Variants in CRYBG3 observed in about 807,000 individuals in gnomAD.
CRYBG3 encodes crystallin beta-gamma domain containing 3.
CRYBG3 carries 127 observed loss-of-function variants against 244.2 expected under a neutral mutation model. The observed-to-expected ratio is 0.52, with a 90% CI of 0.45 to 0.60. CRYBG3 has a LOEUF of 0.60. Among genes scored for constraint, CRYBG3 ranks in the 20% least tolerant of loss-of-function variants. CRYBG3 has a pLI of 0.00. For missense variants in CRYBG3, 3,325 were observed against 3,442.5 expected (o/e 0.97, Z 0.85); for synonymous variants, 1,132 against 1,195.8 (o/e 0.95, Z 1.10).
chr3:97,856,104 G>T (rs1433591087), intron 2 of CRYBG3, among the ~76,000 whole-genome samples: 1 of 152,018 alleles, frequency 6.6e-6, no homozygotes, highest in Admixed American at 6.6e-5. Flanking sequence ...ACCTAAGGGG[G>T]CCATTTATAG....
chr3:97,904,782 C>T (rs1454277548), intron 15 of CRYBG3, among the ~76,000 whole-genome samples: 1 of 147,312 alleles, frequency 6.8e-6, no homozygotes, highest in Non-Finnish European at 1.5e-5. Context: ...TACATGTGCA[C>T]CTTGTGCAGG....
chr3:97,943,074 C>A, intron 21 of CRYBG3, 152 bp from the exon 22 acceptor site: 1 of 596,804 alleles, frequency 1.7e-6, no homozygotes. Flanking sequence ...AATGGCTAAG[C>A]CTGTTCAAAC....
intron 15 of CRYBG3, among the ~76,000 whole-genome samples, chr3:97,910,518 CT>C (rs1353176663): frequency 2.0e-5 from 3 of 152,230 alleles, no homozygotes; most frequent in African/African-American, 7.2e-5. Flanking sequence ...TTTCCAGGTG[CT>C]GTCCGTCACC....
At chr3:97,919,727 A>AG (rs1428099871) in intron 17 of CRYBG3, among the ~76,000 whole-genome samples, 1 of 151,810 alleles carries the variant, frequency 6.6e-6, no homozygotes, top group Non-Finnish European at 1.5e-5. Flanking sequence ...AAAAAAAAAA[A>AG]AAAAGGCTTA....
intron 17 of CRYBG3, among the ~76,000 whole-genome samples, chr3:97,923,600 G>T (rs1458806550): frequency 2.0e-5 from 3 of 151,724 alleles, no homozygotes; most frequent in East Asian, 3.9e-4. Context: ...AATAAAATAA[G>T]ATTAAAACAA....
At chr3:97,887,981 C>T (rs1333163925) in intron 8 of CRYBG3, among the ~76,000 whole-genome samples, 2 of 152,070 alleles carry the variant, frequency 1.3e-5, no homozygotes, top group South Asian at 2.1e-4. Context: ...TCTGATTGTT[C>T]CAGTTTAAAA....
chr3:97,878,044 T>A lies in CRYBG3; in HGVS notation c.6843+7T>A, dbSNP rs1446321447. On this transcript the variant is annotated splice_region_variant and intron_variant, in intron 4 of 21. Transcript: ENST00000389622. The stretch of plus-strand genomic sequence containing the variant: ...ATTGAGCCCATTTATAGAGGTAAGT[T>A]ATTTTGTTTATTGTATTAATAATAG... 3 of 1,583,600 alleles carry A rather than the reference T, an allele frequency of 1.9e-6. No homozygotes were observed. In the South Asian group the frequency reaches 3.5e-5, roughly 19 times the overall value.
intron 1 of CRYBG3, among the ~76,000 whole-genome samples, chr3:97,834,640 A>G (rs2038705476): frequency 6.6e-6 from 1 of 152,152 alleles, no homozygotes; most frequent in Non-Finnish European, 1.5e-5. Flanking sequence ...GAAGGATGGC[A>G]TTGTGCTTTT....
chr3:97,891,002 A>G (rs570945710), intron 10 of CRYBG3, among the ~76,000 whole-genome samples: 1 of 152,276 alleles, frequency 6.6e-6, no homozygotes, highest in South Asian at 2.1e-4. Context: ...TTTAGAAATA[A>G]TATTTTTCAG....
At chr3:97,857,130 T>A (rs1290454319) in intron 2 of CRYBG3, among the ~76,000 whole-genome samples, 1 of 152,118 alleles carries the variant, frequency 6.6e-6, no homozygotes, top group Non-Finnish European at 1.5e-5. Flanking sequence ...TCTTTTTTCA[T>A]CGGTCATTCA....
In CRYBG3 at chr3:97,874,222, C is replaced by G. The variant is rs1576536983; in HGVS notation, c.3028C>G (p.Leu1010Val). 20 of 1,535,048 alleles carry G rather than the reference C, an allele frequency of 1.3e-5. No individual in the cohort carries two copies. Among genetic ancestry groups the G allele is most frequent in the African/African-American group, 1.2e-4 (9 of 73,088 alleles). Residue 1010 changes from leucine (L) to valine (V), a missense_variant, in exon 4 of 22, where the codon CTG becomes GTG. Transcript: ENST00000389622. ...TGSMKVNSPF[L>V]DSDSSLEKNS... is the part of the protein sequence containing the mutation. ...CAGCATGAAAGTAAATTCACCTTTT[C>G]TGGATTCTGATTCCAGTTTGGAAAA...
chr3:97,908,005 C>T lies in CRYBG3; in HGVS notation c.8005-4162C>T, dbSNP rs562212251. Among the ~76,000 whole-genome samples, 246 of 152,196 alleles carry T rather than the reference C, an allele frequency of 1.6e-3. 3 individuals are homozygous for T. The highest frequency in any genetic ancestry group is 0.015 in the Admixed American group (234 of 15,282). On this transcript the variant is annotated intron_variant, in intron 15 of 21. Coordinates refer to ENST00000389622, the MANE Select transcript of CRYBG3 (RefSeq NM_153605.4). Reference sequence around the variant, plus strand: ...ATTTCTGCCTTCATTTTGTTATGTACCCAGTAGTCATTCAGGAGCAGGTTG... The same window carrying T: ...ATTTCTGCCTTCATTTTGTTATGTATCCAGTAGTCATTCAGGAGCAGGTTG...
intron 2 of CRYBG3, among the ~76,000 whole-genome samples, chr3:97,852,550 G>A (rs964000142): frequency 6.6e-6 from 1 of 152,138 alleles, no homozygotes; most frequent in African/African-American, 2.4e-5. Flanking sequence ...TTAGTAATGA[G>A]GACAGAGGAG....
chr3:97,883,329 A>T (rs927681383), intron 7 of CRYBG3, among the ~76,000 whole-genome samples: 2 of 152,134 alleles, frequency 1.3e-5, no homozygotes, highest in Non-Finnish European at 2.9e-5. Flanking sequence ...CTCAACTAGA[A>T]ATTCCTTGAA....
intron 2 of CRYBG3, among the ~76,000 whole-genome samples, chr3:97,853,414 C>T (rs2039017925): frequency 6.6e-6 from 1 of 150,510 alleles, no homozygotes; most frequent in Non-Finnish European, 1.5e-5. Flanking sequence ...AATACACACA[C>T]ACACACACAC....
chr3:97,893,577 G>T (rs2108234480), intron 11 of CRYBG3, among the ~76,000 whole-genome samples: 1 of 152,352 alleles, frequency 6.6e-6, no homozygotes, highest in African/African-American at 2.4e-5. Flanking sequence ...ATGGGCCTGG[G>T]ATGTACCTTT....
chr3:97,933,383 TG>T (rs1473279865), intron 17 of CRYBG3: 25 of 390,954 alleles, frequency 6.4e-5, no homozygotes, highest in Middle Eastern at 7.6e-4. Flanking sequence ...GGACTAATTA[TG>T]GTCCATATTA....
intron 17 of CRYBG3, among the ~76,000 whole-genome samples, chr3:97,930,499 A>G (rs967568731): frequency 2.0e-5 from 3 of 152,148 alleles, no homozygotes; most frequent in East Asian, 1.9e-4. Flanking sequence ...TAACTCAGTG[A>G]TTAGAGATGA....
chr3:97,905,520 G>T (rs10935145), intron 15 of CRYBG3, among the ~76,000 whole-genome samples: 1 of 152,004 alleles, frequency 6.6e-6, no homozygotes, highest in Non-Finnish European at 1.5e-5. Context: ...TTTCATGTGT[G>T]TTTTGGCTGC....
Sources: allele counts gnomAD v4.1 joint callset (sites outside exome capture counted in the v4.1 genomes callset), GRCh38; gene constraint gnomAD v4.1.1; transcripts MANE v1.5; gene names NCBI Gene and HGNC (gene_info 2026-07-23, HGNC 2026-07-21).